KCNQ1OT1: variants seen among roughly 807,000 people sequenced by gnomAD.
KCNQ1OT1 encodes KCNQ1 opposite strand/antisense transcript 1.
exon 1 of KCNQ1OT1, chr11:2,680,068 TTTTA>T: frequency 5.0e-6 from 2 of 396,216 alleles, no homozygotes; most frequent in Non-Finnish European, 4.4e-6. Context: ...TAATTTTTTT[TTTTA>T]TTAGAGACAG....
In KCNQ1OT1 at chr11:2,663,549, C is replaced by G. The variant is rs1850008047; in HGVS notation, n.36446G>C. 2 of 398,526 alleles carry G rather than the reference C, an allele frequency of 5.0e-6. No homozygotes were observed. The highest frequency in any genetic ancestry group is 4.4e-5 in the Admixed American group (1 of 22,720). The allele number at this position is 398,526 out of a possible 1,614,324, so 24.7% of individuals were successfully genotyped here. On this transcript the variant is annotated non_coding_transcript_exon_variant, in exon 1 of 1. Coordinates refer to ENST00000597346, the Ensembl canonical transcript of KCNQ1OT1. This position sits in a 1 kb window ranked among gnomAD's most constrained non-coding sequence, Gnocchi z 5.2. Reference sequence around the variant, plus strand: ...CCCCTCAGAGAGGGGACTGTCCCTTCTCATCCTTCTGGCTGCTTGCTTCTC... The same window carrying G: ...CCCCTCAGAGAGGGGACTGTCCCTTGTCATCCTTCTGGCTGCTTGCTTCTC...
rs1383035176 is a variant in KCNQ1OT1 at position 2,620,211 on chromosome 11, A to ATATAT, written n.79783_79784insATATA. ...TAAGTTCATTCATGTATATATATAT[A>ATATAT]TTTTTTTTTTTTATTTTTTTTTTAG... On this transcript the variant is annotated non_coding_transcript_exon_variant, in exon 1 of 1. Transcript: ENST00000597346. This position sits in a 1 kb window ranked among gnomAD's most constrained non-coding sequence, Gnocchi z 4.5. The ATATAT allele has an allele frequency of 0.017, 4,502 of 261,850 alleles. 164 individuals carry two copies. Among genetic ancestry groups the ATATAT allele is most frequent in the African/African-American group, 0.1 (3,861 of 38,024 alleles). 16.2% of individuals were successfully genotyped at this position (261,850 alleles called of 1,614,324 possible).
rs900401502 is a variant in KCNQ1OT1 at position 2,620,804 on chromosome 11, C to T, written n.79191G>A. On this transcript the variant is annotated non_coding_transcript_exon_variant, in exon 1 of 1. Coordinates refer to ENST00000597346, the Ensembl canonical transcript of KCNQ1OT1. This position sits in a 1 kb window ranked among gnomAD's most constrained non-coding sequence, Gnocchi z 4.5. Reference sequence around the variant, plus strand: ...GTGGCTGAACTAATTTGTATTCCTGCCAACAGTGTATAAGCGTTCCCTTTT... The same window carrying T: ...GTGGCTGAACTAATTTGTATTCCTGTCAACAGTGTATAAGCGTTCCCTTTT... 1 of 398,560 alleles carries T rather than the reference C, an allele frequency of 2.5e-6. No homozygotes were observed. The highest frequency in any genetic ancestry group is 4.4e-5 in the Admixed American group (1 of 22,714). The allele number at this position is 398,560 out of a possible 1,614,324, so 24.7% of individuals were successfully genotyped here.
rs1656420269 is a variant in KCNQ1OT1, at chr11:2,675,908, C to T, written n.24087G>A. ...CTTTATGTATTCAAGGGTTGTGCTA[C>T]AAAAATCATACAACAGTCTTTACAC... On this transcript the variant is annotated non_coding_transcript_exon_variant, in exon 1 of 1. Coordinates refer to ENST00000597346, the Ensembl canonical transcript of KCNQ1OT1. 4 of 398,562 alleles carry T rather than the reference C, an allele frequency of 1.0e-5. No homozygotes were observed. The East Asian group carries it at 1.1e-4, about 11-fold the overall frequency. 24.7% of individuals were successfully genotyped at this position (398,562 alleles called of 1,614,324 possible).
At chr11:2,625,244 T>C (rs1849244316) in exon 1 of KCNQ1OT1, 1 of 398,540 alleles carries the variant, frequency 2.5e-6, no homozygotes, top group Non-Finnish European at 4.4e-6. Flanking sequence ...GCAGTGGTTA[T>C]TTTCTGTTTA....
At chr11:2,643,612 T>A (rs1564843094) in exon 1 of KCNQ1OT1, 1 of 398,440 alleles carries the variant, frequency 2.5e-6, no homozygotes, top group Non-Finnish European at 4.4e-6. Flanking sequence ...TCAGCCAGTC[T>A]GTCTTTTAAG....
rs1564859722 is a variant in KCNQ1OT1, at chr11:2,691,164, G to A, written n.8831C>T. ...CTGTGCTGGCCTCTGGCCTCTCACA[G>A]CCTTGGGAGGGGTGCTCAGAGCTCA... On this transcript the variant is annotated non_coding_transcript_exon_variant, in exon 1 of 1. Transcript: ENST00000597346. The surrounding 1 kb of genome is among the most constrained non-coding windows in gnomAD (Gnocchi z 6.4). 4 of 398,578 alleles carry A rather than the reference G, an allele frequency of 1.0e-5. No individual in the cohort carries two copies. The highest frequency in any genetic ancestry group is 4.4e-5 in the Admixed American group (1 of 22,722). The allele number at this position is 398,578 out of a possible 1,614,324, so 24.7% of individuals were successfully genotyped here.
chr11:2,641,866 C>T (rs904382344), exon 1 of KCNQ1OT1: 3 of 398,264 alleles, frequency 7.5e-6, no homozygotes, highest in East Asian at 3.6e-5. Flanking sequence ...CTTATTTTCC[C>T]AGCTCCATTA....
At position 2,612,528 on chromosome 11, in the gene KCNQ1OT1, C is replaced by T. The variant is rs1224531023; in HGVS notation, n.87467G>A. On this transcript the variant is annotated non_coding_transcript_exon_variant, in exon 1 of 1. Transcript: ENST00000597346. This position sits in a 1 kb window ranked among gnomAD's most constrained non-coding sequence, Gnocchi z 5.5. ...CTTCTGCCAGGTCAAATTTGCTTAG[C>T]CGCACTAGTGAGTTTTTCACCTAAG... 3 of 398,488 alleles carry T rather than the reference C, an allele frequency of 7.5e-6. No homozygotes were observed. The highest frequency in any genetic ancestry group is 6.2e-5 in the African/African-American group (3 of 48,626). The allele number at this position is 398,488 out of a possible 1,614,324, so 24.7% of individuals were successfully genotyped here.
Position 2,661,662 on chromosome 11 carries a change from G to A in KCNQ1OT1, n.38333C>T. ...GTGTCAGTTGTGAACATGGGAAGAG[G>A]CCCAGAACCTGAGGTGGGGAGAGTC... On this transcript the variant is annotated non_coding_transcript_exon_variant, in exon 1 of 1. Transcript: ENST00000597346. The surrounding 1 kb of genome is among the most constrained non-coding windows in gnomAD (Gnocchi z 5.9). 1.7e-6 allele frequency: 1 copy of A among 596,466 alleles called. No individual in the cohort carries two copies. Among genetic ancestry groups the A allele is most frequent in the Middle Eastern group, 4.4e-4 (1 of 2,252 alleles). 36.9% of individuals were successfully genotyped at this position (596,466 alleles called of 1,614,324 possible).
chr11:2,674,568 G>A lies in KCNQ1OT1; in HGVS notation n.25427C>T. The A allele has an allele frequency of 5.0e-6, 2 of 398,626 alleles. No individual in the cohort carries two copies. The allele number at this position is 398,626 out of a possible 1,614,324, so 24.7% of individuals were successfully genotyped here. On this transcript the variant is annotated non_coding_transcript_exon_variant, in exon 1 of 1. Transcript: ENST00000597346. This position sits in a 1 kb window ranked among gnomAD's most constrained non-coding sequence, Gnocchi z 5.9. ...ACAAATACCTCGAGTGAGTGAATCTGAAGCATGCTAGTTGTGTTGCCTTTT... is the reference window on the plus strand; with the variant it reads ...ACAAATACCTCGAGTGAGTGAATCTAAAGCATGCTAGTTGTGTTGCCTTTT...
Position 2,654,739 on chromosome 11 carries a change from G to A in KCNQ1OT1, n.45256C>T. 2.5e-6 allele frequency: 1 copy of A among 398,776 alleles called. No individual in the cohort carries two copies. Among genetic ancestry groups the A allele is most frequent in the East Asian group, 3.6e-5 (1 of 28,064 alleles). The allele number at this position is 398,776 out of a possible 1,614,324, so 24.7% of individuals were successfully genotyped here. On this transcript the variant is annotated non_coding_transcript_exon_variant, in exon 1 of 1. Coordinates refer to ENST00000597346, the Ensembl canonical transcript of KCNQ1OT1. The surrounding 1 kb of genome is among the most constrained non-coding windows in gnomAD (Gnocchi z 6.4). ...AATGCTGACCTAATCTGGGCAGGGA[G>A]GGGTCTGGGGCTCGATGAGAAGGCA...
Position 2,612,002 on chromosome 11 carries a change from G to C in KCNQ1OT1, n.87993C>G. On this transcript the variant is annotated non_coding_transcript_exon_variant, in exon 1 of 1. Coordinates refer to ENST00000597346, the Ensembl canonical transcript of KCNQ1OT1. The surrounding 1 kb of genome is among the most constrained non-coding windows in gnomAD (Gnocchi z 5.5). ...TCTCAGTACTCTTATTAACACATATGTTGTTACTCCTTAATTCCACATATG... is the reference window on the plus strand; with the variant it reads ...TCTCAGTACTCTTATTAACACATATCTTGTTACTCCTTAATTCCACATATG... The C allele has an allele frequency of 2.5e-6, 1 of 398,598 alleles. No individual in the cohort carries two copies. Among genetic ancestry groups the C allele is most frequent in the East Asian group, 3.6e-5 (1 of 28,082 alleles). 24.7% of individuals were successfully genotyped at this position (398,598 alleles called of 1,614,324 possible).
rs573647712 is a variant in KCNQ1OT1, at chr11:2,687,953, A to G, written n.12042T>C. The G allele has an allele frequency of 1.5e-5, 6 of 398,680 alleles. No individual in the cohort carries two copies. The highest frequency in any genetic ancestry group is 2.7e-5 in the Non-Finnish European group (6 of 226,206). The allele number at this position is 398,680 out of a possible 1,614,324, so 24.7% of individuals were successfully genotyped here. A position where few individuals can be genotyped will look rare whatever the true frequency, so the allele number is the denominator to read the frequency against. ...GCACTTCTCCCACCCGCTGTGGGTC[A>G]GCCAGGCCGCTGCTTCCTGCTTCCC... On this transcript the variant is annotated non_coding_transcript_exon_variant, in exon 1 of 1. Coordinates refer to ENST00000597346, the Ensembl canonical transcript of KCNQ1OT1. The surrounding 1 kb of genome is among the most constrained non-coding windows in gnomAD (Gnocchi z 5.0).
At position 2,670,097 on chromosome 11, in the gene KCNQ1OT1, T is replaced by A. The variant is rs1850153849; in HGVS notation, n.29898A>T. The A allele has an allele frequency of 1.0e-5, 4 of 398,652 alleles. No homozygotes were observed. The highest frequency in any genetic ancestry group is 1.8e-5 in the Non-Finnish European group (4 of 226,140). 24.7% of individuals were successfully genotyped at this position (398,652 alleles called of 1,614,324 possible). A position where few individuals can be genotyped will look rare whatever the true frequency, so the allele number is the denominator to read the frequency against. ...TTGGAGGCAGAATCAGTGGACTGTG[T>A]CTCATGGCAGTCACAGGTGCCCCAG... On this transcript the variant is annotated non_coding_transcript_exon_variant, in exon 1 of 1. Transcript: ENST00000597346. This position sits in a 1 kb window ranked among gnomAD's most constrained non-coding sequence, Gnocchi z 4.9.
In KCNQ1OT1 at chr11:2,685,513, G is replaced by A. The variant is rs113559731; in HGVS notation, n.14482C>T. 739 of 398,804 alleles carry A rather than the reference G, an allele frequency of 1.9e-3. No individual in the cohort carries two copies. The highest frequency in any genetic ancestry group is 2.8e-3 in the Non-Finnish European group (642 of 226,184). 24.7% of individuals were successfully genotyped at this position (398,804 alleles called of 1,614,324 possible). A position where few individuals can be genotyped will look rare whatever the true frequency, so the allele number is the denominator to read the frequency against. On this transcript the variant is annotated non_coding_transcript_exon_variant, in exon 1 of 1. Coordinates refer to ENST00000597346, the Ensembl canonical transcript of KCNQ1OT1. ...GCAAGTTGCTCACATCCAGACAGGA[G>A]ACGCTAGTCCTACAGGTGCAGTGGG...
exon 1 of KCNQ1OT1, chr11:2,667,827 T>G (rs954570859): frequency 1.2e-4 from 49 of 398,530 alleles, no homozygotes; most frequent in African/African-American, 5.8e-4. Context: ...GGTGGTGGTG[T>G]TAAACTTTTA....
chr11:2,646,241 G>A (rs1283137079), exon 1 of KCNQ1OT1: 7 of 398,526 alleles, frequency 1.8e-5, no homozygotes, highest in Non-Finnish European at 2.7e-5. Context: ...CAGCCATCTT[G>A]AAGCCCCTGC....
exon 1 of KCNQ1OT1, chr11:2,675,382 A>T (rs1054408737): frequency 1.3e-5 from 5 of 398,550 alleles, no homozygotes; most frequent in African/African-American, 2.1e-5. Context: ...GAAAACATTT[A>T]AACACAGATA....
Sources: allele counts gnomAD v4.1 joint callset, GRCh38; gene constraint gnomAD v4.1.1; non-coding constraint Gnocchi (gnomAD v3.1); transcripts MANE v1.5; gene names NCBI Gene and HGNC (gene_info 2026-07-23, HGNC 2026-07-21).